The following GRM8 variants were observed in gnomAD, a reference collection of about 807,000 sequenced individuals.
GRM8 encodes the protein metabotropic glutamate receptor 8.
Under a neutral mutation model 87.2 loss-of-function variants are expected in GRM8, and 47 were observed. The observed-to-expected ratio is 0.54, with a 90% CI of 0.43 to 0.69. The LOEUF (loss-of-function observed/expected upper bound fraction) is 0.69. Ranked by LOEUF, GRM8 falls within the 30% of genes least tolerant of loss-of-function variation. The pLI is 0.00. For missense variants in GRM8, 1,019 were observed against 1,139.2 expected (o/e 0.89, Z 1.52); for synonymous variants, 396 against 404.5 (o/e 0.98, Z 0.25).
intron 6 of GRM8, chr7:126,870,132 C>T (rs911147221): frequency 3.3e-5 from 5 of 152,234 alleles, no homozygotes; most frequent in East Asian, 1.9e-4. Flanking sequence ...TTAAACCTCA[C>T]GAAGTAACTT....
chr7:126,461,366 C>T lies in GRM8; in HGVS notation c.2431-14994G>A, dbSNP rs1411301028. ...TGTGCTTTGTACTCCTAACCCACAACCACAACTCCTCTCTATCCCCAGCCT... is the reference window on the plus strand; with the variant it reads ...TGTGCTTTGTACTCCTAACCCACAATCACAACTCCTCTCTATCCCCAGCCT... On this transcript the variant is annotated intron_variant, in intron 9 of 10. Coordinates refer to ENST00000339582, the MANE Select transcript of GRM8 (RefSeq NM_000845.3). 1.2e-4 allele frequency among the ~76,000 whole-genome samples: 18 copies of T among 151,588 alleles called. No homozygotes were observed. In the Admixed American group the frequency reaches 1.2e-3, roughly 10 times the overall value.
At chr7:127,002,666 C>T (rs1813849869) in intron 3 of GRM8, among the ~76,000 whole-genome samples, 1 of 151,644 alleles carries the variant, frequency 6.6e-6, no homozygotes, top group Non-Finnish European at 1.5e-5. Context: ...TTGACCAGGA[C>T]AGTCCACTAA....
At chr7:126,811,897 T>C (rs917315283) in intron 6 of GRM8, among the ~76,000 whole-genome samples, 2 of 151,996 alleles carry the variant, frequency 1.3e-5, no homozygotes, top group Non-Finnish European at 2.9e-5. Flanking sequence ...CAGTACTATA[T>C]TGAATAGGAG....
At chr7:127,177,346 C>T (rs936638585) in intron 2 of GRM8, among the ~76,000 whole-genome samples, 4 of 152,206 alleles carry the variant, frequency 2.6e-5, no homozygotes, top group African/African-American at 9.6e-5. Flanking sequence ...GCAGCAAGAC[C>T]TGCCCAAAGT....
chr7:126,801,026 T>A (rs1447882396), intron 6 of GRM8, among the ~76,000 whole-genome samples: 8 of 152,190 alleles, frequency 5.3e-5, no homozygotes, highest in African/African-American at 1.9e-4. Context: ...AATAAATTTT[T>A]AAAATCTAAA....
At chr7:126,529,290 A>G (rs1245443955) in intron 9 of GRM8, among the ~76,000 whole-genome samples, 2 of 152,220 alleles carry the variant, frequency 1.3e-5, no homozygotes, top group East Asian at 1.9e-4. Context: ...ATATTATTAT[A>G]TCATTAATAT....
chr7:127,164,979 T>C (rs1166919861), intron 2 of GRM8, among the ~76,000 whole-genome samples: 1 of 151,494 alleles, frequency 6.6e-6, no homozygotes, highest in Admixed American at 6.6e-5. Context: ...ATACTAGGCA[T>C]TCAGTCAACG....
rs138027407 is a variant in GRM8 at position 126,961,337 on chromosome 7, G to T, written c.728-56654C>A. Among the ~76,000 whole-genome samples the T allele has an allele frequency of 6.4e-4, 98 of 152,234 alleles. 1 individual carries two copies. In the East Asian group the frequency reaches 0.016, roughly 25 times the overall value. On this transcript the variant is annotated intron_variant, in intron 3 of 10. Transcript: ENST00000339582. ...TGCAGAATTTTGAGAGGCATTTAAAGGGCTTGTCTTTTGGAAGTTAATACC... is the reference window on the plus strand; with the variant it reads ...TGCAGAATTTTGAGAGGCATTTAAATGGCTTGTCTTTTGGAAGTTAATACC...
intron 5 of GRM8, 126 bp from the exon 6 acceptor site, chr7:126,902,805 G>T (rs1802233409): frequency 3.3e-6 from 2 of 597,362 alleles, no homozygotes; most frequent in Non-Finnish European, 2.7e-6. Flanking sequence ...TAACAAATGA[G>T]AGAAAGCCAG....
At chr7:126,683,306 G>A (rs1217465491) in intron 7 of GRM8, among the ~76,000 whole-genome samples, 1 of 152,234 alleles carries the variant, frequency 6.6e-6, no homozygotes, top group African/African-American at 2.4e-5. Context: ...AACCTGGTCT[G>A]TCTGTGCTGT....
intron 3 of GRM8, among the ~76,000 whole-genome samples, chr7:127,087,221 G>A (rs1273023397): frequency 1.3e-5 from 2 of 152,330 alleles, no homozygotes; most frequent in East Asian, 1.9e-4. Context: ...TTCCAGCTTA[G>A]AGCAACACCA....
At chr7:126,796,773 C>G (rs900552133) in intron 6 of GRM8, among the ~76,000 whole-genome samples, 2 of 152,044 alleles carry the variant, frequency 1.3e-5, no homozygotes, top group African/African-American at 4.8e-5. Context: ...AAGAGCCCTC[C>G]TCTCATGGAT....
chr7:127,114,141 G>C lies in GRM8; in HGVS notation c.511-7429C>G, dbSNP rs566800340. On this transcript the variant is annotated intron_variant, in intron 2 of 10. Coordinates refer to ENST00000339582, the MANE Select transcript of GRM8 (RefSeq NM_000845.3). Reference sequence around the variant, plus strand: ...TCAGAATAATCCTGTCCTCATAGTCGACAGTTATTAAGATTCCTGTTTGTA... The same window carrying C: ...TCAGAATAATCCTGTCCTCATAGTCCACAGTTATTAAGATTCCTGTTTGTA... Among the ~76,000 whole-genome samples, 10 of 152,234 alleles carry C rather than the reference G, an allele frequency of 6.6e-5. No homozygotes were observed. The East Asian group carries it at 1.9e-3, about 29-fold the overall frequency.
intron 7 of GRM8, among the ~76,000 whole-genome samples, chr7:126,749,160 C>A (rs1816085067): frequency 6.6e-6 from 1 of 152,054 alleles, no homozygotes; most frequent in Non-Finnish European, 1.5e-5. Context: ...TGCCTGTAAT[C>A]CCAGCTACTC....
At chr7:126,511,507 T>A (rs1811366603) in intron 9 of GRM8, 1 of 152,112 alleles carries the variant, frequency 6.6e-6, no homozygotes, top group Non-Finnish European at 1.5e-5. Flanking sequence ...AGGGTGACTC[T>A]ATGGGTTATG....
At chr7:126,931,469 T>C (rs1016816752) in intron 3 of GRM8, among the ~76,000 whole-genome samples, 2 of 152,172 alleles carry the variant, frequency 1.3e-5, no homozygotes, top group Non-Finnish European at 2.9e-5. Context: ...TAACAAACAA[T>C]AGATTAATAG....
chr7:127,225,874 AC>A (rs1797289941), intron 2 of GRM8, among the ~76,000 whole-genome samples: 1 of 151,724 alleles, frequency 6.6e-6, no homozygotes, highest in African/African-American at 2.4e-5. Context: ...GTGTTTCTAG[AC>A]CCTTAACTTT....
At chr7:126,826,253 G>T (rs1405018275) in intron 6 of GRM8, among the ~76,000 whole-genome samples, 9 of 152,044 alleles carry the variant, frequency 5.9e-5, no homozygotes, top group Admixed American at 2.0e-4. Context: ...GGATGGCTGG[G>T]TCAAATGGTA....
chr7:127,014,624 T>TA (rs969621876), intron 3 of GRM8, among the ~76,000 whole-genome samples: 6 of 152,128 alleles, frequency 3.9e-5, no homozygotes, highest in African/African-American at 1.4e-4. Flanking sequence ...GGACAATGCC[T>TA]AGCACATAGT....
Sources: gnomAD v4.1 joint callset for allele counts (sites outside exome capture counted in the v4.1 genomes callset) on GRCh38, gnomAD v4.1.1 for gene constraint, MANE v1.5 for transcripts, NCBI Gene and HGNC (gene_info 2026-07-23, HGNC 2026-07-21) for gene names.